The following NOX4 variants were observed in gnomAD, a reference collection of about 807,000 sequenced individuals.
The protein encoded by NOX4 is NADPH oxidase 4.
A neutral mutation model predicts 87.6 loss-of-function variants in NOX4; 69 were observed. The ratio of observed to expected loss-of-function variants is 0.79; its 90% confidence interval spans 0.65 to 0.96. The LOEUF is 0.96. Among genes scored for constraint, NOX4 ranks in the 40% least tolerant of loss-of-function variants. The probability of loss-of-function intolerance (pLI) is 0.00; values close to 1 mark genes in which losing one functional copy is unlikely to be tolerated. For missense variants in NOX4, 680 were observed against 681.5 expected (o/e 1.00, Z 0.02); for synonymous variants, 275 against 238.2 (o/e 1.15, Z -1.42).
At chr11:89,542,117 A>G in the NOX4 span, among the ~76,000 whole-genome samples, 1 of 152,078 alleles carries the variant, frequency 6.6e-6, no homozygotes, top group Non-Finnish European at 1.5e-5. Context: ...GGGCCAAACT[A>G]CTGTTTAACA....
the NOX4 span, among the ~76,000 whole-genome samples, chr11:89,519,303 C>A: frequency 6.6e-6 from 1 of 151,898 alleles, no homozygotes; most frequent in Non-Finnish European, 1.5e-5. Context: ...TTTTTGACTC[C>A]ATTTACTGAG....
chr11:89,405,906 C>T (rs1942151638), intron 8 of NOX4, among the ~76,000 whole-genome samples: 4 of 152,006 alleles, frequency 2.6e-5, no homozygotes, highest in South Asian at 2.1e-4. Context: ...TGTACCAGGC[C>T]TATTCCCCTT....
At chr11:89,479,238 A>G (rs1946293077) in intron 2 of NOX4, among the ~76,000 whole-genome samples, 1 of 152,180 alleles carries the variant, frequency 6.6e-6, no homozygotes, top group Non-Finnish European at 1.5e-5. Flanking sequence ...AGGAAGACAT[A>G]TTGGAAGAAA....
rs559718453 is a variant in NOX4 at position 89,458,532 on chromosome 11, A to T, written c.154-6637T>A. Among the ~76,000 whole-genome samples, 3 of 152,310 alleles carry T rather than the reference A, an allele frequency of 2.0e-5. 1 individual carries two copies. The South Asian group carries it at 6.2e-4, about 32-fold the overall frequency. ...CAACAGACAACCTACAGAATGGATG[A>T]AAATATTTGAAAACCATGCATATGA... On this transcript the variant is annotated intron_variant, in intron 2 of 17. Transcript: ENST00000263317.
At chr11:89,522,853 G>A in the NOX4 span, among the ~76,000 whole-genome samples, 1 of 151,914 alleles carries the variant, frequency 6.6e-6, no homozygotes, top group Non-Finnish European at 1.5e-5. Flanking sequence ...AAGGCAAAAG[G>A]GAAACAAAGC....
At chr11:89,530,253 C>T in the NOX4 span, among the ~76,000 whole-genome samples, 1 of 150,704 alleles carries the variant, frequency 6.6e-6, no homozygotes, top group South Asian at 2.1e-4. Flanking sequence ...GAGTATCTAT[C>T]TAACTCACAG....
At chr11:89,383,402 C>T (rs1053351687) in intron 11 of NOX4, among the ~76,000 whole-genome samples, 2 of 152,186 alleles carry the variant, frequency 1.3e-5, no homozygotes, top group African/African-American at 2.4e-5. Flanking sequence ...GGAACTCTGG[C>T]CCAAGGCCCT....
intron 6 of NOX4, among the ~76,000 whole-genome samples, chr11:89,438,800 TA>T (rs1317206926): frequency 8.1e-5 from 2 of 24,766 alleles, no homozygotes; most frequent in East Asian, 3.5e-3. Flanking sequence ...GTGTATAATA[TA>T]TTATATATTA....
chr11:89,461,013 A>G (rs1591313193), intron 2 of NOX4, among the ~76,000 whole-genome samples: 1 of 152,214 alleles, frequency 6.6e-6, no homozygotes, highest in African/African-American at 2.4e-5. Flanking sequence ...TTGTAGGGAC[A>G]TGGGTGAAAT....
At chr11:89,463,519 A>G (rs1450362457) in intron 2 of NOX4, among the ~76,000 whole-genome samples, 1 of 152,026 alleles carries the variant, frequency 6.6e-6, no homozygotes, top group Admixed American at 6.6e-5. Context: ...TATGTGTAAG[A>G]CAGATGCTTT....
intron 6 of NOX4, among the ~76,000 whole-genome samples, chr11:89,438,397 T>C (rs1459024223): frequency 3.5e-5 from 4 of 113,180 alleles, no homozygotes; most frequent in South Asian, 2.4e-4. Context: ...ATAATTATAA[T>C]ATAAATAATA....
At chr11:89,386,690 T>C (rs1188354150) in intron 11 of NOX4, among the ~76,000 whole-genome samples, 1 of 152,118 alleles carries the variant, frequency 6.6e-6, no homozygotes, top group Non-Finnish European at 1.5e-5. Flanking sequence ...AAGAGGACTC[T>C]ATTTTTAAAT....
chr11:89,503,961 G>T, the NOX4 span, among the ~76,000 whole-genome samples: 38 of 150,428 alleles, frequency 2.5e-4, no homozygotes, highest in Admixed American at 6.7e-4. Flanking sequence ...CATAGCCTAT[G>T]GTAATAATTA....
chr11:89,548,977 G>A, the NOX4 span, among the ~76,000 whole-genome samples: 18 of 152,154 alleles, frequency 1.2e-4, no homozygotes, highest in Non-Finnish European at 2.2e-4. Context: ...AAGGTTTCAT[G>A]TGTTCCATGT....
chr11:89,412,405 T>C (rs1942526803), intron 8 of NOX4, among the ~76,000 whole-genome samples: 1 of 152,102 alleles, frequency 6.6e-6, no homozygotes, highest in Admixed American at 6.6e-5. Context: ...TCAAGGATCA[T>C]ATGTTAGGTA....
chr11:89,369,346 A>C (rs990246862), intron 12 of NOX4, among the ~76,000 whole-genome samples: 8 of 152,052 alleles, frequency 5.3e-5, no homozygotes, highest in Admixed American at 4.6e-4. Context: ...ACCATGGCTA[A>C]GTGGCAGGAG....
intron 2 of NOX4, among the ~76,000 whole-genome samples, chr11:89,476,662 G>A (rs530051090): frequency 6.6e-6 from 1 of 152,096 alleles, no homozygotes; most frequent in Non-Finnish European, 1.5e-5. Flanking sequence ...TATTACAACA[G>A]TATCCTTTAT....
the NOX4 span, among the ~76,000 whole-genome samples, chr11:89,528,030 C>A: frequency 2.6e-5 from 4 of 152,202 alleles, no homozygotes; most frequent in Non-Finnish European, 5.9e-5. Context: ...GATGAAGCTG[C>A]CCAAGACCAT....
Position 89,405,748 on chromosome 11 carries a change from AAAAG to A in NOX4, c.630-3210_630-3207del, listed in dbSNP as rs1471727287. 1.3e-3 allele frequency among the ~76,000 whole-genome samples: 159 copies of A among 123,004 alleles called. 1 individual carries two copies. Among genetic ancestry groups the A allele is most frequent in the Non-Finnish European group, 1.7e-3 (103 of 59,586 alleles). 80.7% of individuals were successfully genotyped at this position (123,004 alleles called of 152,430 possible). ...TATTGAAAGGCCACCTACTGGTTAA[AAAAG>A]AAAAAAAAAAAAAAACTTGCATGGT... On this transcript the variant is annotated intron_variant, in intron 8 of 17. Transcript: ENST00000263317.
Sources: gnomAD v4.1 joint callset for allele counts (sites outside exome capture counted in the v4.1 genomes callset) on GRCh38, gnomAD v4.1.1 for gene constraint, MANE v1.5 for transcripts, NCBI Gene and HGNC (gene_info 2026-07-23, HGNC 2026-07-21) for gene names.